The following DMXL1 variants were observed in gnomAD, a reference collection of about 807,000 sequenced individuals.
DMXL1 encodes Dmx like 1, also known as dmX-like protein 1.
In DMXL1, 99 loss-of-function variants were observed where a neutral mutation model predicts 319.2. The observed-to-expected ratio is 0.31, with a 90% CI of 0.26 to 0.37. The LOEUF is 0.37. Ranked by LOEUF, DMXL1 falls within the 10% of genes least tolerant of loss-of-function variation. The probability of loss-of-function intolerance (pLI) is 1.00; values close to 1 mark genes in which losing one functional copy is unlikely to be tolerated. For synonymous variants in DMXL1, 1,385 were observed against 1,235.2 expected (o/e 1.12, Z -2.54); for missense variants, 3,745 against 3,595.6 (o/e 1.04, Z -1.06).
chr5:119,166,151 G>A (rs554687429), intron 21 of DMXL1, among the ~76,000 whole-genome samples: 1 of 152,232 alleles, frequency 6.6e-6, no homozygotes, highest in East Asian at 1.9e-4. Context: ...ATTTCCAGAT[G>A]ACCCACATGA....
At chr5:119,109,974 CCTTT>C (rs1209189212) in intron 4 of DMXL1, among the ~76,000 whole-genome samples, 173 bp from the exon 5 acceptor site, 5 of 152,184 alleles carry the variant, frequency 3.3e-5, no homozygotes, top group African/African-American at 9.7e-5. Flanking sequence ...AAGATTTCTT[CCTTT>C]CTATCTCAAG....
chr5:119,180,161 A>G (rs1393045313), intron 28 of DMXL1, among the ~76,000 whole-genome samples: 1 of 152,200 alleles, frequency 6.6e-6, no homozygotes, highest in African/African-American at 2.4e-5. Flanking sequence ...CTGTTAAAGG[A>G]ATTTCAGGTT....
intron 5 of DMXL1, among the ~76,000 whole-genome samples, chr5:119,114,075 A>G (rs930893987): frequency 6.6e-5 from 10 of 152,186 alleles, no homozygotes; most frequent in Non-Finnish European, 1.3e-4. Context: ...ACCCACACAT[A>G]ATCTTTAATT....
At position 119,248,315 on chromosome 5, in the gene DMXL1, CTTATA is replaced by C. The variant is rs1790097823; in HGVS notation, c.*1099_*1103del. On this transcript the variant is annotated 3_prime_UTR_variant, in exon 44 of 44. Coordinates refer to ENST00000539542, the MANE Select transcript of DMXL1 (RefSeq NM_001290321.3). ...ACCATTAATAGAAAATAAACTAAAC[CTTATA>C]TTTTATTTTTGCCAAAATATTTTAT... is the stretch of plus-strand genomic sequence containing the variant. The C allele has an allele frequency of 6.6e-6, 1 of 152,200 alleles. No homozygotes were observed. The highest frequency in any genetic ancestry group is 1.5e-5 in the Non-Finnish European group (1 of 67,870). 9.4% of individuals were successfully genotyped at this position (152,200 alleles called of 1,614,324 possible).
At chr5:119,122,711 C>G (rs374924158) in intron 9 of DMXL1, among the ~76,000 whole-genome samples, 3 of 151,542 alleles carry the variant, frequency 2.0e-5, no homozygotes, top group African/African-American at 7.3e-5. Context: ...GACGGGGCGG[C>G]GGGGCAGAGA....
At position 119,167,643 on chromosome 5, in the gene DMXL1, T is replaced by C; in HGVS notation, c.5177T>C (p.Val1726Ala). ...EKLNDIQLAL[V>A]IARLYESEFD... Reference sequence around the variant, plus strand: ...TTGAATGACATTCAGTTGGCTCTTGTAATAGCAAGACTCTATGAGTCTGAA... The same window carrying C: ...TTGAATGACATTCAGTTGGCTCTTGCAATAGCAAGACTCTATGAGTCTGAA... The change falls in exon 23 of 44, where the codon GTA becomes GCA. Residue 1726 changes from valine (V) to alanine (A), a missense_variant. Transcript: ENST00000539542. The C allele has an allele frequency of 1.2e-6, 2 of 1,610,104 alleles. No individual in the cohort carries two copies. Among genetic ancestry groups the C allele is most frequent in the African/African-American group, 1.3e-5 (1 of 74,946 alleles).
chr5:119,218,831 T>C (rs752255021), intron 35 of DMXL1, among the ~76,000 whole-genome samples: 5 of 152,240 alleles, frequency 3.3e-5, no homozygotes, highest in Non-Finnish European at 1.5e-5. Flanking sequence ...GTTGCATTTT[T>C]TTAAATGCCA....
At chr5:119,170,138 G>GAA in intron 23 of DMXL1, 52 bp from the exon 24 acceptor site, 1 of 1,519,348 alleles carries the variant, frequency 6.6e-7, no homozygotes, top group Non-Finnish European at 8.8e-7. Context: ...CACTACAATA[G>GAA]AAACACACAG....
intron 19 of DMXL1, among the ~76,000 whole-genome samples, chr5:119,158,211 T>G (rs1253878383): frequency 2.0e-5 from 3 of 151,934 alleles, no homozygotes; most frequent in African/African-American, 4.8e-5. Flanking sequence ...TAAGGTTTTT[T>G]TTTTTTTTTT....
At chr5:119,082,138 G>T (rs1240078348) in intron 1 of DMXL1, among the ~76,000 whole-genome samples, 1 of 151,700 alleles carries the variant, frequency 6.6e-6, no homozygotes, top group Non-Finnish European at 1.5e-5. Flanking sequence ...TAGAGACAGA[G>T]TCTTACAGTG....
At chr5:119,073,665 G>T (rs1266630923) in intron 1 of DMXL1, among the ~76,000 whole-genome samples, 2 of 152,074 alleles carry the variant, frequency 1.3e-5, no homozygotes, top group Non-Finnish European at 2.9e-5. Flanking sequence ...GTCTCTGGAA[G>T]CATTCAGTAA....
intron 23 of DMXL1, among the ~76,000 whole-genome samples, chr5:119,169,277 T>A (rs148998270): frequency 6.6e-6 from 1 of 152,232 alleles, no homozygotes; most frequent in Non-Finnish European, 1.5e-5. Context: ...ATTAAACTTG[T>A]ATTCTTCTAG....
chr5:119,091,806 C>T (rs1754857245), intron 1 of DMXL1, among the ~76,000 whole-genome samples: 1 of 152,176 alleles, frequency 6.6e-6, no homozygotes, highest in Admixed American at 6.5e-5. Context: ...AAACCTCCTA[C>T]AGGGTGGTGT....
chr5:119,115,437 C>A (rs928293239), intron 6 of DMXL1, among the ~76,000 whole-genome samples: 2 of 152,192 alleles, frequency 1.3e-5, no homozygotes, highest in Non-Finnish European at 2.9e-5. Flanking sequence ...GTTCATAGAG[C>A]ATTTCACGAG....
chr5:119,082,631 T>C (rs1752492149), intron 1 of DMXL1, among the ~76,000 whole-genome samples: 1 of 152,228 alleles, frequency 6.6e-6, no homozygotes, highest in South Asian at 2.1e-4. Flanking sequence ...TCAAAGTAAA[T>C]GTGATAATTT....
intron 32 of DMXL1, among the ~76,000 whole-genome samples, chr5:119,201,399 G>C (rs1780686531): frequency 6.6e-6 from 1 of 152,134 alleles, no homozygotes; most frequent in South Asian, 2.1e-4. Context: ...AACCAAACTT[G>C]CATCCTGGGA....
intron 8 of DMXL1, among the ~76,000 whole-genome samples, chr5:119,119,262 A>G (rs1345949585): frequency 1.3e-5 from 2 of 152,230 alleles, no homozygotes; most frequent in Non-Finnish European, 2.9e-5. Context: ...CTGAAGTAAC[A>G]TGAAGTAAAA....
intron 1 of DMXL1, chr5:119,081,847 GT>G: frequency 2.3e-6 from 1 of 440,710 alleles, no homozygotes; most frequent in Non-Finnish European, 3.0e-6. Flanking sequence ...TAAAAATTGA[GT>G]TTTTACTGCA....
chr5:119,121,108 T>C lies in DMXL1; in HGVS notation c.1071T>C (p.Phe357=). 6.2e-7 allele frequency: 1 copy of C among 1,608,834 alleles called. No homozygotes were observed. Among genetic ancestry groups the C allele is most frequent in the South Asian group, 1.1e-5 (1 of 89,698 alleles). The change falls in exon 9 of 44, where the codon TTT becomes TTC. Residue 357 remains phenylalanine, a synonymous_variant. Coordinates refer to ENST00000539542, the MANE Select transcript of DMXL1 (RefSeq NM_001290321.3). Reference sequence around the variant, plus strand: ...TGCATGCCAATGCACTTTGCCACTTTCATATTGCAGCCAGCATCAACCCAG... The same window carrying C: ...TGCATGCCAATGCACTTTGCCACTTCCATATTGCAGCCAGCATCAACCCAG... The part of the protein sequence containing the change: ...TPLHANALCH[F]HIAASINPAT...
Sources: gnomAD v4.1 joint callset for allele counts (sites outside exome capture counted in the v4.1 genomes callset) on GRCh38, gnomAD v4.1.1 for gene constraint, MANE v1.5 for transcripts, NCBI Gene and HGNC (gene_info 2026-07-23, HGNC 2026-07-21) for gene names.